Variants in STK3 observed in about 807,000 individuals in gnomAD.
STK3 encodes the protein serine/threonine kinase 3.
Under a neutral mutation model 58.0 loss-of-function variants are expected in STK3, and 41 were observed. The observed-to-expected ratio is 0.71, with a 90% CI of 0.55 to 0.92. The LOEUF is 0.92. Among genes scored for constraint, STK3 ranks in the 40% least tolerant of loss-of-function variants. The pLI, the probability that STK3 is intolerant of heterozygous loss-of-function variation, is 0.00. For missense variants in STK3, 479 were observed against 602.7 expected (o/e 0.79, Z 2.15); for synonymous variants, 170 against 191.0 (o/e 0.89, Z 0.91).
At chr8:98,769,717 C>G (rs571345832) in intron 2 of STK3, among the ~76,000 whole-genome samples, 34 of 152,212 alleles carry the variant, frequency 2.2e-4, no homozygotes, top group Non-Finnish European at 4.6e-4. Flanking sequence ...CTAAGCAAAG[C>G]TTTAAAAGAC....
At chr8:98,648,729 T>TA (rs1478937883) in intron 6 of STK3, among the ~76,000 whole-genome samples, 1 of 151,922 alleles carries the variant, frequency 6.6e-6, no homozygotes, top group Non-Finnish European at 1.5e-5. Flanking sequence ...CCATCTCTAC[T>TA]AAAAATACAA....
intron 1 of STK3, among the ~76,000 whole-genome samples, chr8:98,938,922 C>T (rs1481933447): frequency 6.6e-6 from 1 of 152,012 alleles, no homozygotes; most frequent in Admixed American, 6.6e-5. Context: ...TGCGACATTT[C>T]CGGAAATCAG....
chr8:98,494,082 A>G lies in STK3; in HGVS notation c.1317+32660T>C, dbSNP rs554866691. ...CTCAATTTTTTGCAATTCTGTTTCA[A>G]GAGGTCAGCTTGCTGTAATTTTTCA... On this transcript the variant is annotated intron_variant, in intron 10 of 10. Transcript: ENST00000419617. 7.2e-5 allele frequency among the ~76,000 whole-genome samples: 11 copies of G among 152,270 alleles called. No homozygotes were observed. In the East Asian group the frequency reaches 1.4e-3, roughly 19 times the overall value.
intron 6 of STK3, among the ~76,000 whole-genome samples, chr8:98,623,757 C>T (rs1818505223): frequency 6.6e-6 from 1 of 152,166 alleles, no homozygotes; most frequent in South Asian, 2.1e-4. Flanking sequence ...ACATTCCAGA[C>T]TGGGAGACAG....
At chr8:98,720,650 C>T (rs1467510994) in intron 4 of STK3, among the ~76,000 whole-genome samples, 2 of 150,166 alleles carry the variant, frequency 1.3e-5, no homozygotes, top group East Asian at 2.0e-4. Context: ...GCTCGGGAGG[C>T]TGAGGCAGGA....
chr8:98,736,616 G>A (rs1015027486), intron 4 of STK3, among the ~76,000 whole-genome samples: 1 of 152,064 alleles, frequency 6.6e-6, no homozygotes, highest in African/African-American at 2.4e-5. Flanking sequence ...TTCAAAAATA[G>A]ACAATAGTCA....
At chr8:98,739,334 G>C (rs1475074722) in intron 4 of STK3, among the ~76,000 whole-genome samples, 1 of 152,118 alleles carries the variant, frequency 6.6e-6, no homozygotes, top group East Asian at 1.9e-4. Flanking sequence ...GCCTAACTGG[G>C]AGGCACCCCC....
intron 3 of STK3, among the ~76,000 whole-genome samples, chr8:98,755,152 T>C (rs1465961753): frequency 6.6e-6 from 1 of 152,200 alleles, no homozygotes; most frequent in Non-Finnish European, 1.5e-5. Flanking sequence ...ACATAAAACA[T>C]GGCCTCACTA....
the STK3 span, among the ~76,000 whole-genome samples, chr8:98,349,553 G>A: frequency 6.6e-6 from 1 of 152,306 alleles, no homozygotes; most frequent in Middle Eastern, 3.4e-3. Context: ...CTCTATGGGG[G>A]ACCCACTCCA....
intron 4 of STK3, among the ~76,000 whole-genome samples, chr8:98,713,539 A>C (rs1826722344): frequency 6.6e-6 from 1 of 152,190 alleles, no homozygotes; most frequent in Admixed American, 6.5e-5. Flanking sequence ...GAAATGGATA[A>C]ATTCCTTGAC....
intron 1 of STK3, among the ~76,000 whole-genome samples, chr8:98,785,669 C>T (rs1007124929): frequency 6.6e-6 from 1 of 152,178 alleles, no homozygotes. Context: ...TATACCCAGT[C>T]ACACTGGCAA....
At chr8:98,937,580 C>T (rs1431787652) in intron 1 of STK3, among the ~76,000 whole-genome samples, 1 of 152,212 alleles carries the variant, frequency 6.6e-6, no homozygotes, top group Non-Finnish European at 1.5e-5. Context: ...TCACTTCTAC[C>T]CCCAAGTCAG....
intron 1 of STK3, among the ~76,000 whole-genome samples, chr8:98,824,169 T>C (rs1379212201): frequency 6.6e-6 from 1 of 152,248 alleles, no homozygotes; most frequent in Non-Finnish European, 1.5e-5. Context: ...GCGGCATTTT[T>C]GTTCACTACT....
At chr8:98,493,544 CCT>C (rs1243726500) in intron 10 of STK3, among the ~76,000 whole-genome samples, 1 of 152,186 alleles carries the variant, frequency 6.6e-6, no homozygotes, top group Non-Finnish European at 1.5e-5. Context: ...ACATTCATTT[CCT>C]CTTTCTTGAA....
At chr8:98,569,214 T>C (rs1812755253) in intron 8 of STK3, among the ~76,000 whole-genome samples, 1 of 152,022 alleles carries the variant, frequency 6.6e-6, no homozygotes. Flanking sequence ...AGGGTAAATG[T>C]ACAATAAAGA....
intron 6 of STK3, among the ~76,000 whole-genome samples, chr8:98,619,315 C>A (rs1157717236): frequency 6.6e-6 from 1 of 151,602 alleles, no homozygotes; most frequent in Non-Finnish European, 1.5e-5. Context: ...AAAATCAATT[C>A]AAGATGGAGT....
intron 6 of STK3, among the ~76,000 whole-genome samples, chr8:98,647,815 A>T (rs1820522215): frequency 6.6e-6 from 1 of 152,178 alleles, no homozygotes; most frequent in Non-Finnish European, 1.5e-5. Context: ...CCTTGATGTC[A>T]TTATCTAATG....
At chr8:98,923,549 C>G (rs1201702379) in intron 1 of STK3, among the ~76,000 whole-genome samples, 2 of 152,120 alleles carry the variant, frequency 1.3e-5, no homozygotes, top group Non-Finnish European at 2.9e-5. Flanking sequence ...AACCTAAACC[C>G]TAGCACTACT....
chr8:98,731,584 G>T (rs185615704), intron 4 of STK3, among the ~76,000 whole-genome samples: 1 of 151,980 alleles, frequency 6.6e-6, no homozygotes, highest in Non-Finnish European at 1.5e-5. Context: ...TTAGCCAGGC[G>T]TGGTGGCAGT....
Sources: gnomAD v4.1 joint callset for allele counts (sites outside exome capture counted in the v4.1 genomes callset) on GRCh38, gnomAD v4.1.1 for gene constraint, MANE v1.5 for transcripts, NCBI Gene and HGNC (gene_info 2026-07-23, HGNC 2026-07-21) for gene names.